The following POLD3 variants were observed in gnomAD, a reference collection of about 807,000 sequenced individuals.
POLD3 encodes the protein DNA polymerase delta subunit 3.
A neutral mutation model predicts 58.2 loss-of-function variants in POLD3; 19 were observed. That is an observed-to-expected ratio of 0.33 (90% CI 0.23 to 0.48). POLD3 has a LOEUF of 0.48. Among genes scored for constraint, POLD3 ranks in the 20% least tolerant of loss-of-function variants. The probability of loss-of-function intolerance (pLI) is 0.99; values close to 1 mark genes in which losing one functional copy is unlikely to be tolerated. For missense variants in POLD3, 504 were observed against 545.5 expected, an observed-to-expected ratio of 0.92 and a Z score of 0.76; for synonymous variants, 172 against 193.5, an observed-to-expected ratio of 0.89 and a Z score of 0.92.
intron 7 of POLD3, 98 bp from the exon 8 acceptor site, chr11:74,625,310 T>C (rs887272075): frequency 5.3e-6 from 5 of 946,260 alleles, no homozygotes; most frequent in Non-Finnish European, 7.9e-6. Flanking sequence ...TTGCCCCTGC[T>C]CCTAACATAT....
Position 74,618,828 on chromosome 11 carries a change from C to T in POLD3, c.660+24C>T, listed in dbSNP as rs765814825. Reference sequence around the variant, plus strand: ...ATGTAAGTCTTCTTTGAAGATACCCCTTCATTGCAGCTCAGAGTGGGTAAC... The same window carrying T: ...ATGTAAGTCTTCTTTGAAGATACCCTTTCATTGCAGCTCAGAGTGGGTAAC... On this transcript the variant is annotated intron_variant, in intron 6 of 11. Coordinates refer to ENST00000263681, the MANE Select transcript of POLD3 (RefSeq NM_006591.3). The T allele has an allele frequency of 1.1e-5, 18 of 1,590,700 alleles. No homozygotes were observed. The South Asian group carries it at 1.2e-4, about 11-fold the overall frequency.
intron 8 of POLD3, among the ~76,000 whole-genome samples, chr11:74,628,281 A>C (rs1308466422): frequency 6.6e-6 from 1 of 152,096 alleles, no homozygotes; most frequent in Non-Finnish European, 1.5e-5. Context: ...TTATTAATAA[A>C]ATTAATCTCC....
At chr11:74,643,993 T>C (rs142113093), downstream of POLD3, among the ~76,000 whole-genome samples, 1 of 152,320 alleles carries the variant, frequency 6.6e-6, no homozygotes, top group East Asian at 1.9e-4. Context: ...GCAGAATCAA[T>C]TTTTTAAAGT....
At chr11:74,659,311 T>A (rs7131096) in intron 4 of POLD3, among the ~76,000 whole-genome samples, 1 of 152,040 alleles carries the variant, frequency 6.6e-6, no homozygotes, top group Admixed American at 6.5e-5. Flanking sequence ...GCCTGACCTA[T>A]GAAACCACTT....
At chr11:74,661,941 G>A (rs1055383756) in intron 4 of POLD3, among the ~76,000 whole-genome samples, 2 of 152,156 alleles carry the variant, frequency 1.3e-5, no homozygotes, top group Admixed American at 6.5e-5. Flanking sequence ...TCCACAGGCC[G>A]AGGAGCCTCT....
chr11:74,665,290 C>T (rs1248778821), intron 4 of POLD3, among the ~76,000 whole-genome samples: 1 of 145,718 alleles, frequency 6.9e-6, no homozygotes, highest in Non-Finnish European at 1.5e-5. Context: ...TGCCACTGCA[C>T]CCCAGCCTAG....
At chr11:74,650,125 GT>G (rs2033050101) in intron 4 of POLD3, among the ~76,000 whole-genome samples, 1 of 152,202 alleles carries the variant, frequency 6.6e-6, no homozygotes, top group Non-Finnish European at 1.5e-5. Flanking sequence ...TAGTGGTTGG[GT>G]TTTTATTGTT....
chr11:74,595,616 TTTG>T (rs370914994), intron 2 of POLD3: 3 of 152,276 alleles, frequency 2.0e-5, no homozygotes, highest in African/African-American at 2.4e-5. Context: ...ACAGACATTT[TTTG>T]TTGTTGTTGT....
chr11:74,631,738 T>C (rs2032598769), intron 9 of POLD3, among the ~76,000 whole-genome samples: 1 of 152,148 alleles, frequency 6.6e-6, no homozygotes. Context: ...CGCCTCGGCC[T>C]CTCAAAGTGC....
At chr11:74,658,558 A>G (rs1330621115) in intron 4 of POLD3, among the ~76,000 whole-genome samples, 8 of 152,186 alleles carry the variant, frequency 5.3e-5, no homozygotes, top group Non-Finnish European at 1.2e-4. Flanking sequence ...CTATGAGCCT[A>G]TAAAATCAAA....
At chr11:74,622,798 G>C (rs1383074816) in intron 7 of POLD3, among the ~76,000 whole-genome samples, 3 of 152,196 alleles carry the variant, frequency 2.0e-5, no homozygotes, top group Non-Finnish European at 4.4e-5. Context: ...ACTTCTAAAA[G>C]TTAAACATAG....
chr11:74,660,878 A>G (rs367765984), intron 4 of POLD3, among the ~76,000 whole-genome samples: 36 of 151,812 alleles, frequency 2.4e-4, no homozygotes, highest in African/African-American at 7.5e-4. Flanking sequence ...CTTTATAGCA[A>G]TGTAAAAACA....
Position 74,629,276 on chromosome 11 carries a change from AGAG to A in POLD3, c.963_965del (p.Arg323del), listed in dbSNP as rs756317053. 7 of 1,609,648 alleles carry A rather than the reference AGAG, an allele frequency of 4.3e-6. No homozygotes were observed. The highest frequency in any genetic ancestry group is 1.1e-5 in the South Asian group (1 of 90,854). ...AAGGAAACTGAAAACATGAGGAAAA[AGAG>A]GAGAAGAATCAAACTTCCTGAATCT... On this transcript the variant is annotated inframe_deletion, in exon 9 of 12. Coordinates refer to ENST00000263681, the MANE Select transcript of POLD3 (RefSeq NM_006591.3).
chr11:74,613,317 A>G (rs1225955601), intron 5 of POLD3, among the ~76,000 whole-genome samples: 1 of 151,568 alleles, frequency 6.6e-6, no homozygotes, highest in African/African-American at 2.4e-5. Flanking sequence ...AATCCTACCC[A>G]TCCTTCAAGA....
At chr11:74,629,453 T>C in intron 9 of POLD3, 130 bp downstream of exon 9, 1 of 531,646 alleles carries the variant, frequency 1.9e-6, no homozygotes, top group Non-Finnish European at 3.3e-6. Flanking sequence ...CCATAGCACC[T>C]CTTTCTGTTT....
intron 2 of POLD3, among the ~76,000 whole-genome samples, chr11:74,598,889 C>T (rs571840996): frequency 6.6e-6 from 1 of 152,210 alleles, no homozygotes; most frequent in Admixed American, 6.5e-5. Context: ...GGCTCTACTT[C>T]TCAATGAGAG....
At chr11:74,602,237 C>T (rs2031526084) in intron 2 of POLD3, among the ~76,000 whole-genome samples, 1 of 152,138 alleles carries the variant, frequency 6.6e-6, no homozygotes, top group Non-Finnish European at 1.5e-5. Flanking sequence ...AGCCACCACA[C>T]CTGGCGCTAC....
At chr11:74,620,127 A>G in intron 7 of POLD3, 38 bp downstream of exon 7, 1 of 1,431,428 alleles carries the variant, frequency 7.0e-7, no homozygotes, top group Non-Finnish European at 9.9e-7. Flanking sequence ...TAACGAATGA[A>G]TGTTAATGTA....
chr11:74,631,726 C>T lies in POLD3; in HGVS notation c.1006+2403C>T, dbSNP rs190822914. On this transcript the variant is annotated intron_variant, in intron 9 of 11. Transcript: ENST00000263681. ...CTTGAACTCCTGACCCCGTGATCCA[C>T]CCGCCTCGGCCTCTCAAAGTGCTGG... Among the ~76,000 whole-genome samples the T allele has an allele frequency of 4.6e-5, 7 of 152,218 alleles. No individual in the cohort carries two copies. In the East Asian group the frequency reaches 1.4e-3, roughly 29 times the overall value.
Sources: allele counts gnomAD v4.1 joint callset (sites outside exome capture counted in the v4.1 genomes callset), GRCh38; gene constraint gnomAD v4.1.1; transcripts MANE v1.5; gene names NCBI Gene and HGNC (gene_info 2026-07-23, HGNC 2026-07-21).